MICAL3: variants seen among roughly 807,000 people sequenced by gnomAD.
MICAL3 encodes the protein [F-actin]-monooxygenase MICAL3.
MICAL3 carries 62 observed loss-of-function variants against 207.4 expected under a neutral mutation model. The ratio of observed to expected loss-of-function variants is 0.30; its 90% CI spans 0.24 to 0.37. The LOEUF is 0.37. MICAL3 is among the 10% of genes least tolerant of loss of function. The pLI, the probability that MICAL3 is intolerant of heterozygous loss-of-function variation, is 1.00. For missense variants in MICAL3, 2,368 were observed against 2,635.6 expected (o/e 0.90, Z 2.22); for synonymous variants, 1,077 against 1,069.3 (o/e 1.01, Z -0.14).
intron 16 of MICAL3, among the ~76,000 whole-genome samples, chr22:17,877,288 T>TGGAGGTTAGGGAGGTTATGGAGGTTAG: frequency 1.8e-5 from 1 of 54,218 alleles, no homozygotes; most frequent in Non-Finnish European, 3.8e-5. Flanking sequence ...AGGGAGGTTA[T>TGGAGGTTAGGGAGGTTATGGAGGTTAG]GGAGGTTAGG....
At chr22:17,954,688 G>A (rs1399410181) in intron 1 of MICAL3, among the ~76,000 whole-genome samples, 1 of 151,866 alleles carries the variant, frequency 6.6e-6, no homozygotes, top group African/African-American at 2.4e-5. Context: ...CAGAGCAGCA[G>A]AATCTCAGTG....
chr22:17,826,687 A>G (rs929552917), intron 22 of MICAL3, among the ~76,000 whole-genome samples: 4 of 149,842 alleles, frequency 2.7e-5, no homozygotes, highest in Non-Finnish European at 6.0e-5. Flanking sequence ...AGCCTGTGTG[A>G]TGGAGAATCA....
chr22:17,895,751 G>T (rs1930773427), intron 9 of MICAL3, among the ~76,000 whole-genome samples: 1 of 151,932 alleles, frequency 6.6e-6, no homozygotes, highest in African/African-American at 2.4e-5. Context: ...ACACAAAAAA[G>T]AATTATCACT....
intron 6 of MICAL3, 32 bp from the exon 7 acceptor site, chr22:17,899,580 G>A (rs1931151196): frequency 1.4e-6 from 2 of 1,434,398 alleles, no homozygotes; most frequent in African/African-American, 2.8e-5. Context: ...GTGCATGTAA[G>A]TTTGCTGAGA....
intron 28 of MICAL3, 136 bp downstream of exon 28, chr22:17,810,567 C>T (rs1278179558): frequency 3.0e-6 from 2 of 662,340 alleles, no homozygotes; most frequent in Non-Finnish European, 2.6e-6. Flanking sequence ...CAAAGGTGAC[C>T]TGGGTGGCAG....
intron 1 of MICAL3, among the ~76,000 whole-genome samples, chr22:17,959,821 G>C (rs1288534438): frequency 6.6e-6 from 1 of 150,812 alleles, no homozygotes; most frequent in Admixed American, 6.6e-5. Flanking sequence ...GCAAATAAAG[G>C]GGGGAAAAAC....
chr22:17,881,958 T>C (rs1327327437), intron 16 of MICAL3, among the ~76,000 whole-genome samples: 4 of 152,086 alleles, frequency 2.6e-5, no homozygotes, highest in South Asian at 4.1e-4. Flanking sequence ...CCGCTGGTAT[T>C]TGAGAAACAA....
rs1602277502 is a variant in MICAL3 at position 17,951,462 on chromosome 22, T to C, written c.-74-44576A>G. ...GAGATAAGAGCCCCTGTGTGACGCA[T>C]GACACACTCTGCTGCTGTTCGGATC... On this transcript the variant is annotated intron_variant, in intron 1 of 31. Coordinates refer to ENST00000441493, the MANE Select transcript of MICAL3 (RefSeq NM_015241.3). Among the ~76,000 whole-genome samples, 4 of 151,714 alleles carry C rather than the reference T, an allele frequency of 2.6e-5. No homozygotes were observed. The South Asian group carries it at 8.3e-4, about 32-fold the overall frequency.
At chr22:17,941,290 C>T (rs560279121) in intron 1 of MICAL3, among the ~76,000 whole-genome samples, 26 of 152,322 alleles carry the variant, frequency 1.7e-4, no homozygotes, top group Admixed American at 5.9e-4. Flanking sequence ...ACACCGGCAC[C>T]GATGTCAGCC....
In MICAL3 at chr22:17,818,903, G is replaced by C; in HGVS notation, c.3758C>G (p.Pro1253Arg). Residue 1253 changes from proline (P) to arginine (R), a missense_variant, in exon 26 of 32, where the codon CCC becomes CGC. This residue lies in a region of MICAL3 where 1,770 missense variants were observed against 1,863.2 expected (regional missense o/e 0.95). Coordinates refer to ENST00000441493, the MANE Select transcript of MICAL3 (RefSeq NM_015241.3). ...QPQPPVAAST[P>R]PPSPLPICSQ... ...GCAGATGGGGAGTGGGCTGGGTGGG[G>C]GCGTGGAGGCCGCCACGGGTGGCTG... The C allele has an allele frequency of 6.4e-7, 1 of 1,564,310 alleles. No homozygotes were observed. The highest frequency in any genetic ancestry group is 8.7e-7 in the Non-Finnish European group (1 of 1,154,690).
At chr22:17,901,614 T>C (rs971543442) in intron 5 of MICAL3, among the ~76,000 whole-genome samples, 1 of 152,018 alleles carries the variant, frequency 6.6e-6, no homozygotes, top group Non-Finnish European at 1.5e-5. Flanking sequence ...GAGGCTGCAG[T>C]GAGCGTGATC....
chr22:17,809,697 G>A (rs1047086005), intron 28 of MICAL3, among the ~76,000 whole-genome samples: 3 of 152,186 alleles, frequency 2.0e-5, no homozygotes, highest in African/African-American at 4.8e-5. Flanking sequence ...TGTGCAGCCT[G>A]AAAACAAGCT....
At chr22:17,988,182 G>A (rs1220035969) in intron 1 of MICAL3, among the ~76,000 whole-genome samples, 1 of 152,186 alleles carries the variant, frequency 6.6e-6, no homozygotes, top group African/African-American at 2.4e-5. Flanking sequence ...TGGAAAACAA[G>A]GCCAGCTTTA....
chr22:17,827,876 G>T, intron 21 of MICAL3, 95 bp from the exon 22 acceptor site: 2 of 1,332,246 alleles, frequency 1.5e-6, no homozygotes, highest in Non-Finnish European at 2.0e-6. Flanking sequence ...TTACAGCATT[G>T]GCCAGGGTCA....
At position 17,790,694 on chromosome 22, in the gene MICAL3, G is replaced by A; in HGVS notation, c.*38C>T. On this transcript the variant is annotated 3_prime_UTR_variant, in exon 32 of 32. Coordinates refer to ENST00000441493, the MANE Select transcript of MICAL3 (RefSeq NM_015241.3). ...TGGTTTGGATGCCACTGCCTGGCCA[G>A]GCGGATGCCAACAGAAAATGGAGCG... 1 of 1,547,734 alleles carries A rather than the reference G, an allele frequency of 6.5e-7. No individual in the cohort carries two copies. The highest frequency in any genetic ancestry group is 2.4e-5 in the East Asian group (1 of 41,474).
At chr22:18,005,290 C>G (rs1923314536) in intron 1 of MICAL3, 1 of 152,092 alleles carries the variant, frequency 6.6e-6, no homozygotes, top group South Asian at 2.1e-4. Flanking sequence ...TCATTTCAGT[C>G]TCAAAACAGT....
At chr22:17,929,572 T>TTTC (rs1556418338) in intron 1 of MICAL3, among the ~76,000 whole-genome samples, 3 of 128,846 alleles carry the variant, frequency 2.3e-5, no homozygotes, top group Non-Finnish European at 5.1e-5. Flanking sequence ...TCTTTTCTTT[T>TTTC]TTTTTTTTTT....
chr22:18,015,505 T>C (rs1035640543), intron 1 of MICAL3, among the ~76,000 whole-genome samples: 1 of 150,038 alleles, frequency 6.7e-6, no homozygotes, highest in East Asian at 2.0e-4. Context: ...CTCTGCCTTG[T>C]GGGTTCAAGT....
chr22:18,013,517 G>A (rs534674112), intron 1 of MICAL3, among the ~76,000 whole-genome samples: 90 of 152,254 alleles, frequency 5.9e-4, no homozygotes, highest in African/African-American at 2.0e-3. Flanking sequence ...CATGACAAGA[G>A]CATGGGTTTT....
Sources: gnomAD v4.1 joint callset for allele counts (sites outside exome capture counted in the v4.1 genomes callset) on GRCh38, gnomAD v4.1.1 for gene constraint, gnomAD v4.1.1 regional missense constraint, MANE v1.5 for transcripts, NCBI Gene and HGNC (gene_info 2026-07-23, HGNC 2026-07-21) for gene names.